CALN1: variants seen among roughly 807,000 people sequenced by gnomAD.
The protein encoded by CALN1 is calcium-binding protein 8.
In CALN1, 17 loss-of-function variants were observed where a neutral mutation model predicts 30.6. The observed-to-expected ratio is 0.56, with a 90% confidence interval of 0.38 to 0.83. The LOEUF is 0.83. CALN1 is among the 40% of genes least tolerant of loss of function. The probability of loss-of-function intolerance (pLI) is 0.00; values close to 1 mark genes in which losing one functional copy is unlikely to be tolerated. For synonymous variants in CALN1, 156 were observed against 131.4 expected, an observed-to-expected ratio of 1.19 and a Z score of -1.28; for missense variants, 291 against 354.9, an observed-to-expected ratio of 0.82 and a Z score of 1.45.
At chr7:72,497,127 C>A in the CALN1 span, among the ~76,000 whole-genome samples, 1 of 152,076 alleles carries the variant, frequency 6.6e-6, no homozygotes, top group African/African-American at 2.4e-5. Flanking sequence ...TTTTAGCAGG[C>A]GCTCAGTGCT....
At chr7:72,361,021 A>G (rs941768859) in intron 2 of CALN1, among the ~76,000 whole-genome samples, 3 of 152,048 alleles carry the variant, frequency 2.0e-5, no homozygotes, top group African/African-American at 7.2e-5. Context: ...GCCACCGCAC[A>G]CAGCCTAACA....
chr7:72,467,753 C>T, the CALN1 span, among the ~76,000 whole-genome samples: 1 of 152,112 alleles, frequency 6.6e-6, no homozygotes, highest in African/African-American at 2.4e-5. Context: ...CTAAAATTCA[C>T]ATGATGAAAT....
At chr7:72,406,779 G>A (rs961808141) in intron 1 of CALN1, among the ~76,000 whole-genome samples, 8 of 151,902 alleles carry the variant, frequency 5.3e-5, no homozygotes, top group Non-Finnish European at 8.8e-5. Flanking sequence ...ACCAGGCCTG[G>A]CTAATTTTTG....
intron 6 of CALN1, among the ~76,000 whole-genome samples, chr7:71,806,730 A>C (rs1240897773): frequency 6.7e-6 from 1 of 150,160 alleles, no homozygotes; most frequent in Admixed American, 6.6e-5. Flanking sequence ...ACCCCCCCCC[A>C]GGGAGCTGAC....
chr7:72,209,605 C>T (rs116032376), intron 3 of CALN1, among the ~76,000 whole-genome samples: 1 of 151,624 alleles, frequency 6.6e-6, no homozygotes, highest in African/African-American at 2.4e-5. Context: ...TTAGTATATT[C>T]ACAGACATGT....
chr7:72,164,895 A>G (rs766459820), intron 3 of CALN1, among the ~76,000 whole-genome samples: 1 of 152,030 alleles, frequency 6.6e-6, no homozygotes, highest in Non-Finnish European at 1.5e-5. Context: ...GGGTCTCGCT[A>G]TGTTGCCCAA....
Position 72,050,359 on chromosome 7 carries a change from CA to C in CALN1, c.389-26591del, listed in dbSNP as rs534941507. Among the ~76,000 whole-genome samples the C allele has an allele frequency of 3.8e-3, 584 of 152,014 alleles. 2 individuals are homozygous for C. Among genetic ancestry groups the C allele is most frequent in the Non-Finnish European group, 6.9e-3 (471 of 67,964 alleles). On this transcript the variant is annotated intron_variant, in intron 4 of 6. Coordinates refer to ENST00000395275, the MANE Select transcript of CALN1 (RefSeq NM_031468.4). ...CACACAGAAAATAACAGATAATATA[CA>C]GAATGCTGTAGGAAAAAAAGGCTGT...
intron 2 of CALN1, among the ~76,000 whole-genome samples, chr7:72,350,248 C>A (rs1353933231): frequency 2.6e-5 from 4 of 152,160 alleles, no homozygotes; most frequent in Non-Finnish European, 5.9e-5. Flanking sequence ...GAACTCAGAA[C>A]AGAACAAGCA....
At chr7:72,365,669 G>C (rs997328357) in intron 2 of CALN1, among the ~76,000 whole-genome samples, 2 of 152,056 alleles carry the variant, frequency 1.3e-5, no homozygotes, top group African/African-American at 2.4e-5. Flanking sequence ...GAGCCCAAGG[G>C]ATCATCCCAC....
chr7:72,143,142 T>A (rs550287216), intron 3 of CALN1, among the ~76,000 whole-genome samples: 20 of 152,130 alleles, frequency 1.3e-4, no homozygotes, highest in African/African-American at 4.8e-4. Context: ...TTTGACGAGT[T>A]GAGAGAAGAA....
intron 2 of CALN1, among the ~76,000 whole-genome samples, chr7:72,353,935 C>G (rs1803080573): frequency 6.6e-6 from 1 of 152,064 alleles, no homozygotes; most frequent in Non-Finnish European, 1.5e-5. Flanking sequence ...ACCTGTAATC[C>G]CAGCACTTTG....
chr7:72,104,838 T>C (rs1379561775), intron 4 of CALN1, among the ~76,000 whole-genome samples: 2 of 151,940 alleles, frequency 1.3e-5, no homozygotes, highest in Non-Finnish European at 2.9e-5. Context: ...ATGCCTCTAG[T>C]CCCAGCTACT....
chr7:72,349,285 TG>T (rs1802803787), intron 2 of CALN1, among the ~76,000 whole-genome samples: 1 of 7,510 alleles, frequency 1.3e-4, no homozygotes, highest in African/African-American at 3.2e-4. Context: ...CGCGTGCTTG[TG>T]TGTGTGTGTG....
rs115034393 is a variant in CALN1, at chr7:72,395,282, G to A, written c.119+7969C>T. On this transcript the variant is annotated intron_variant, in intron 2 of 6. Coordinates refer to ENST00000395275, the MANE Select transcript of CALN1 (RefSeq NM_031468.4). ...TGATCTAAGAACTAGGCATGTCCCC[G>A]GGAGAGAAAATAAACACTTAATAGG... Among the ~76,000 whole-genome samples, 1,334 of 152,130 alleles carry A rather than the reference G, an allele frequency of 8.8e-3. 22 individuals carry two copies. Among genetic ancestry groups the A allele is most frequent in the African/African-American group, 0.029 (1,187 of 41,470 alleles).
At chr7:71,870,330 C>A (rs1321661131) in intron 5 of CALN1, among the ~76,000 whole-genome samples, 1 of 151,506 alleles carries the variant, frequency 6.6e-6, no homozygotes, top group Non-Finnish European at 1.5e-5. Context: ...TTGCAGTGAG[C>A]CAAGATGGCA....
intron 2 of CALN1, among the ~76,000 whole-genome samples, chr7:72,367,388 C>T (rs1803940828): frequency 6.6e-6 from 1 of 152,064 alleles, no homozygotes. Flanking sequence ...ACTCAGAAGG[C>T]TGAGGTGGGA....
At chr7:72,492,653 TG>T in the CALN1 span, among the ~76,000 whole-genome samples, 1 of 152,254 alleles carries the variant, frequency 6.6e-6, no homozygotes, top group African/African-American at 2.4e-5. Flanking sequence ...TCAGCCCTCG[TG>T]GCTCTAATAG....
At chr7:72,404,783 G>A (rs1179028723) in intron 1 of CALN1, among the ~76,000 whole-genome samples, 1 of 152,188 alleles carries the variant, frequency 6.6e-6, no homozygotes, top group African/African-American at 2.4e-5. Context: ...CAGGAAGAAG[G>A]CTTGAAGAGC....
chr7:72,437,367 C>T (rs1048685390), intron 1 of CALN1, among the ~76,000 whole-genome samples: 5 of 152,146 alleles, frequency 3.3e-5, no homozygotes, highest in Non-Finnish European at 7.3e-5. Flanking sequence ...ATAAAGTTGA[C>T]AGATTACAGA....
Sources: allele counts gnomAD v4.1 joint callset (sites outside exome capture counted in the v4.1 genomes callset), GRCh38; gene constraint gnomAD v4.1.1; transcripts MANE v1.5; gene names NCBI Gene and HGNC (gene_info 2026-07-23, HGNC 2026-07-21).